Variants in HDAC9 observed in about 807,000 individuals in gnomAD.
HDAC9 encodes MEF-2 interacting transcription repressor (MITR) protein.
HDAC9 carries 41 observed loss-of-function variants against 139.4 expected under a neutral mutation model. That is an observed-to-expected ratio of 0.29 (90% CI 0.23 to 0.38). The LOEUF is 0.38. Among genes scored for constraint, HDAC9 ranks in the 10% least tolerant of loss-of-function variants. The pLI, the probability that HDAC9 is intolerant of heterozygous loss-of-function variation, is 1.00. For missense variants in HDAC9, 1,147 were observed against 1,297.0 expected, an observed-to-expected ratio of 0.88 and a Z score of 1.78; for synonymous variants, 517 against 476.2, an observed-to-expected ratio of 1.09 and a Z score of -1.12.
Position 18,629,400 on chromosome 7 carries a change from G to T in HDAC9, c.715G>T (p.Glu239Ter). ...VRSRLKQKVA[E>*]RRSSPLLRRK... ...GTCCAGGTTAAAACAGAAAGTGGCA[G>T]AGAGGAGAAGCAGCCCCTTACTCAG... is the stretch of plus-strand genomic sequence containing the variant. The change falls in exon 7 of 26, where the codon GAG becomes TAG. Residue 239 changes from glutamate (E) to a stop codon, truncating the protein, a stop_gained. Transcript: ENST00000686413. LOFTEE classifies it high-confidence loss of function. 6.2e-7 allele frequency: 1 copy of T among 1,611,208 alleles called. No homozygotes were observed. The highest frequency in any genetic ancestry group is 8.5e-7 in the Non-Finnish European group (1 of 1,178,848).
At chr7:18,287,931 A>G (rs990094053), upstream of HDAC9, among the ~76,000 whole-genome samples, 3 of 152,232 alleles carry the variant, frequency 2.0e-5, no homozygotes, top group Non-Finnish European at 2.9e-5. Flanking sequence ...GGGTAGTCAT[A>G]TAGGTGAAAC....
chr7:18,898,995 G>C (rs1167114349), intron 22 of HDAC9, among the ~76,000 whole-genome samples: 1 of 152,004 alleles, frequency 6.6e-6, no homozygotes, highest in African/African-American at 2.4e-5. Context: ...TTACGCTTAT[G>C]CTACCAAAAA....
intron 1 of HDAC9, among the ~76,000 whole-genome samples, chr7:18,104,791 G>A (rs1410693899): frequency 2.0e-5 from 3 of 152,004 alleles, no homozygotes; most frequent in South Asian, 2.1e-4. Context: ...ACTCTGTAAG[G>A]GAGATCACAA....
intron 1 of HDAC9, among the ~76,000 whole-genome samples, chr7:18,100,759 G>A (rs745999657): frequency 1.3e-5 from 2 of 152,042 alleles, no homozygotes; most frequent in African/African-American, 4.8e-5. Context: ...CCTTGCTATT[G>A]GTTATATTTT....
intron 11 of HDAC9, among the ~76,000 whole-genome samples, chr7:18,660,795 G>A (rs1425029892): frequency 2.0e-5 from 3 of 152,042 alleles, no homozygotes; most frequent in Admixed American, 6.6e-5. Flanking sequence ...TTATTCACGG[G>A]GCAACCAGAG....
chr7:18,108,903 G>A (rs1783419251), intron 1 of HDAC9, among the ~76,000 whole-genome samples: 1 of 152,250 alleles, frequency 6.6e-6, no homozygotes, highest in East Asian at 1.9e-4. Context: ...ACAGGTGTGA[G>A]CCACTGCGCC....
intron 22 of HDAC9, among the ~76,000 whole-genome samples, chr7:18,883,421 A>G (rs1051620344): frequency 6.6e-6 from 1 of 152,160 alleles, no homozygotes; most frequent in Admixed American, 6.6e-5. Flanking sequence ...CCTGATTAAC[A>G]GTATGAAGGA....
chr7:18,271,347 C>G (rs1796336106), intron 2 of HDAC9, among the ~76,000 whole-genome samples: 1 of 152,180 alleles, frequency 6.6e-6, no homozygotes, highest in South Asian at 2.1e-4. Flanking sequence ...ATACTCCCAG[C>G]TGTCTTGCCT....
At chr7:18,723,699 AAT>A (rs1785308047) in intron 12 of HDAC9, among the ~76,000 whole-genome samples, 1 of 144,646 alleles carries the variant, frequency 6.9e-6, no homozygotes, top group Non-Finnish European at 1.5e-5. Flanking sequence ...CAAGTAGAAC[AAT>A]ACTTACTTAC....
At chr7:18,875,085 C>A (rs1273211229) in intron 22 of HDAC9, among the ~76,000 whole-genome samples, 1 of 152,166 alleles carries the variant, frequency 6.6e-6, no homozygotes, top group Admixed American at 6.5e-5. Context: ...CCCTCATAAT[C>A]TCTACTCGTC....
intron 12 of HDAC9, among the ~76,000 whole-genome samples, chr7:18,679,373 A>G (rs1192148313): frequency 6.6e-6 from 1 of 152,008 alleles, no homozygotes; most frequent in African/African-American, 2.4e-5. Flanking sequence ...GCATCCTACA[A>G]TTACATTGGT....
intron 24 of HDAC9, among the ~76,000 whole-genome samples, chr7:18,960,831 T>A (rs913014905): frequency 6.6e-6 from 1 of 151,998 alleles, no homozygotes; most frequent in Admixed American, 6.6e-5. Context: ...CATCAGATAA[T>A]CCAGGAGAAA....
chr7:18,960,890 G>T (rs1042762729), intron 24 of HDAC9, among the ~76,000 whole-genome samples: 2 of 152,004 alleles, frequency 1.3e-5, no homozygotes, highest in African/African-American at 4.8e-5. Context: ...TCTCTTGTTG[G>T]GGGGTGGGGG....
upstream of HDAC9, among the ~76,000 whole-genome samples, chr7:18,288,630 T>C (rs2128223430): frequency 6.6e-6 from 1 of 152,314 alleles, no homozygotes; most frequent in South Asian, 2.1e-4. Context: ...AGAGGTTGTT[T>C]GTATAAACTA....
chr7:18,908,871 A>T (rs977919799), intron 22 of HDAC9, among the ~76,000 whole-genome samples: 1 of 152,112 alleles, frequency 6.6e-6, no homozygotes, highest in Admixed American at 6.6e-5. Flanking sequence ...TAAATACAAA[A>T]GTGCAGATAT....
chr7:18,787,059 G>T (rs574792935), intron 16 of HDAC9, among the ~76,000 whole-genome samples: 2 of 152,170 alleles, frequency 1.3e-5, no homozygotes, highest in East Asian at 1.9e-4. Flanking sequence ...TTTTTAGAGG[G>T]TTTAAAATGT....
At chr7:18,149,501 A>C (rs1262370216) in intron 1 of HDAC9, among the ~76,000 whole-genome samples, 1 of 150,316 alleles carries the variant, frequency 6.7e-6, no homozygotes. Flanking sequence ...GACTACAGGC[A>C]CGTACCACCA....
intron 1 of HDAC9, among the ~76,000 whole-genome samples, chr7:18,141,991 C>A (rs1785932334): frequency 6.6e-6 from 1 of 152,050 alleles, no homozygotes; most frequent in Non-Finnish European, 1.5e-5. Context: ...CCACATAAAA[C>A]CTTGGGTTCT....
chr7:18,799,078 C>G (rs1793069699), intron 17 of HDAC9, among the ~76,000 whole-genome samples: 1 of 150,592 alleles, frequency 6.6e-6, no homozygotes, highest in Non-Finnish European at 1.5e-5. Flanking sequence ...CACACACACA[C>G]ACACACACAC....
Sources: allele counts gnomAD v4.1 joint callset (sites outside exome capture counted in the v4.1 genomes callset), GRCh38; gene constraint gnomAD v4.1.1; transcripts MANE v1.5; gene names NCBI Gene and HGNC (gene_info 2026-07-23, HGNC 2026-07-21).